Variants in PREX2 observed in about 807,000 individuals in gnomAD.
PREX2 encodes phosphatidylinositol 3,4,5-trisphosphate-dependent Rac exchanger 2 protein.
PREX2 carries 107 observed loss-of-function variants against 203.2 expected under a neutral mutation model. The ratio of observed to expected loss-of-function variants is 0.53; its 90% CI spans 0.45 to 0.62. PREX2 has a LOEUF of 0.62. Ranked by LOEUF, PREX2 falls within the 20% of genes least tolerant of loss-of-function variation. The pLI is 0.00. For missense variants in PREX2, 1,777 were observed against 1,955.9 expected (o/e 0.91, Z 1.72); for synonymous variants, 672 against 663.6 (o/e 1.01, Z -0.19).
At chr8:68,167,558 C>G (rs1811789741) in intron 35 of PREX2, among the ~76,000 whole-genome samples, 1 of 152,064 alleles carries the variant, frequency 6.6e-6, no homozygotes, top group South Asian at 2.1e-4. Flanking sequence ...GTCCTGAACT[C>G]CTGACCTCAG....
intron 1 of PREX2, among the ~76,000 whole-genome samples, chr8:67,986,261 A>C (rs1806418152): frequency 6.6e-6 from 1 of 152,244 alleles, no homozygotes. Context: ...AGGCACTCTT[A>C]TAGATGGGGA....
intron 5 of PREX2, among the ~76,000 whole-genome samples, chr8:68,029,888 G>A (rs1807830555): frequency 1.3e-5 from 2 of 152,130 alleles, no homozygotes; most frequent in Admixed American, 6.6e-5. Flanking sequence ...AAGCTATTGA[G>A]GGGTATATGG....
At chr8:68,109,367 G>A (rs771739460) in intron 24 of PREX2, 49 bp from the exon 25 acceptor site, 14 of 1,395,606 alleles carry the variant, frequency 1.0e-5, no homozygotes, top group Admixed American at 2.1e-5. Flanking sequence ...GGTTGTTATC[G>A]CAAGTTAAAG....
chr8:68,044,088 G>T (rs572995200), intron 7 of PREX2, among the ~76,000 whole-genome samples: 24 of 152,088 alleles, frequency 1.6e-4, no homozygotes, highest in South Asian at 4.2e-4. Context: ...AGTAATAACT[G>T]GAAATTACCA....
intron 20 of PREX2, among the ~76,000 whole-genome samples, chr8:68,091,878 A>C (rs187642890): frequency 1.3e-5 from 2 of 152,360 alleles, no homozygotes; most frequent in East Asian, 3.9e-4. Flanking sequence ...AAATGGGCAG[A>C]AAAATCCACT....
chr8:68,202,929 C>G (rs1393075576), intron 37 of PREX2, among the ~76,000 whole-genome samples: 1 of 152,174 alleles, frequency 6.6e-6, no homozygotes, highest in East Asian at 1.9e-4. Context: ...AACTACCGGT[C>G]ACACTCCTTG....
chr8:67,977,027 A>T (rs68074568), intron 1 of PREX2, among the ~76,000 whole-genome samples: 33,686 of 152,236 alleles, frequency 0.22, 4,819 homozygotes, highest in East Asian at 0.54. Context: ...ATAGTTTGTT[A>T]TGCAATATAA....
At position 68,038,308 on chromosome 8, in the gene PREX2, G is replaced by T; in HGVS notation, c.839+16G>T. 6.2e-7 allele frequency: 1 copy of T among 1,612,874 alleles called. No individual in the cohort carries two copies. The highest frequency in any genetic ancestry group is 1.7e-4 in the Middle Eastern group (1 of 6,050). ...GAAAACACAGGTAAGATCCTAAGCA[G>T]GACACACTTCAGAAGTGGTCACAGT... On this transcript the variant is annotated intron_variant, in intron 7 of 39. Coordinates refer to ENST00000288368, the MANE Select transcript of PREX2 (RefSeq NM_024870.4).
intron 1 of PREX2, among the ~76,000 whole-genome samples, chr8:67,999,867 CAT>C (rs1232202688): frequency 6.6e-6 from 1 of 152,192 alleles, no homozygotes; most frequent in Admixed American, 6.5e-5. Context: ...ACCAAAACCA[CAT>C]GATTATCTCA....
intron 35 of PREX2, among the ~76,000 whole-genome samples, chr8:68,174,882 C>T (rs1031915095): frequency 6.6e-6 from 1 of 152,192 alleles, no homozygotes; most frequent in African/African-American, 2.4e-5. Flanking sequence ...GACGGGTCTT[C>T]CTAGCTCCTT....
At chr8:68,138,213 A>G (rs548910355) in intron 32 of PREX2, among the ~76,000 whole-genome samples, 2 of 152,320 alleles carry the variant, frequency 1.3e-5, no homozygotes, top group Admixed American at 6.5e-5. Flanking sequence ...ATATAAAACC[A>G]TAAAAGAAAC....
At chr8:68,199,812 A>C (rs1812468184) in intron 37 of PREX2, among the ~76,000 whole-genome samples, 1 of 152,216 alleles carries the variant, frequency 6.6e-6, no homozygotes, top group African/African-American at 2.4e-5. Context: ...CAAATTGACA[A>C]ATAGGCCCAG....
chr8:67,973,089 C>G (rs1805971693), intron 1 of PREX2, among the ~76,000 whole-genome samples: 1 of 152,086 alleles, frequency 6.6e-6, no homozygotes, highest in Non-Finnish European at 1.5e-5. Context: ...ATTTCTGTTT[C>G]TAAGTGTCAC....
Position 68,022,139 on chromosome 8 carries a change from T to C in PREX2, c.440T>C (p.Leu147Ser). The change falls in exon 4 of 40, where the codon TTG becomes TCG. Residue 147 changes from leucine to serine, a missense_variant and splice_region_variant. Coordinates refer to ENST00000288368, the MANE Select transcript of PREX2 (RefSeq NM_024870.4). ...NKIRTIRTFLLNCMLLGGRKN... is the reference protein window; with the variant it reads ...NKIRTIRTFLSNCMLLGGRKN... The stretch of plus-strand genomic sequence containing the variant: ...ATAAGAACAATCCGGACATTTCTTT[T>C]GGTAAGTGTATATTTATGTGTTACT... 6.9e-7 allele frequency: 1 copy of C among 1,455,680 alleles called. No homozygotes were observed. Among genetic ancestry groups the C allele is most frequent in the Non-Finnish European group, 9.7e-7 (1 of 1,036,130 alleles). 90.2% of individuals were successfully genotyped at this position (1,455,680 alleles called of 1,614,324 possible).
chr8:68,059,711 G>A (rs777765928), intron 10 of PREX2, among the ~76,000 whole-genome samples: 1 of 152,130 alleles, frequency 6.6e-6, no homozygotes, highest in African/African-American at 2.4e-5. Context: ...CTGGCCAGAC[G>A]GGGCTCTTAG....
chr8:68,083,148 G>A (rs1201581359), intron 17 of PREX2, 92 bp from the exon 18 acceptor site: 1 of 893,780 alleles, frequency 1.1e-6, no homozygotes. Context: ...ATATCTATAA[G>A]CTCTGAAACT....
chr8:68,205,445 CT>C (rs1477532069), intron 37 of PREX2, among the ~76,000 whole-genome samples: 1 of 152,192 alleles, frequency 6.6e-6, no homozygotes, highest in Non-Finnish European at 1.5e-5. Context: ...TCACCAAAGC[CT>C]TGCTCAGGGT....
At chr8:68,021,027 A>C (rs1340164298) in intron 3 of PREX2, among the ~76,000 whole-genome samples, 2 of 152,274 alleles carry the variant, frequency 1.3e-5, no homozygotes, top group Non-Finnish European at 2.9e-5. Flanking sequence ...TTGATCAGTA[A>C]ATTTTTTGTG....
At chr8:68,056,225 G>C (rs922550021) in intron 10 of PREX2, among the ~76,000 whole-genome samples, 1 of 152,088 alleles carries the variant, frequency 6.6e-6, no homozygotes, top group Non-Finnish European at 1.5e-5. Context: ...TGATCCCGGG[G>C]GAAAGTGAGG....
Sources: gnomAD v4.1 joint callset for allele counts (sites outside exome capture counted in the v4.1 genomes callset) on GRCh38, gnomAD v4.1.1 for gene constraint, MANE v1.5 for transcripts, NCBI Gene and HGNC (gene_info 2026-07-23, HGNC 2026-07-21) for gene names.